The following SUPT3H variants were observed in gnomAD, a reference collection of about 807,000 sequenced individuals.
The protein encoded by SUPT3H is transcription initiation protein SPT3 homolog.
In SUPT3H, 44 loss-of-function variants were observed where a neutral mutation model predicts 44.3. That is an observed-to-expected ratio of 0.99 (90% CI 0.78 to 1.28). The LOEUF (loss-of-function observed/expected upper bound fraction) is 1.28, where lower values mean the gene tolerates loss of function less well. Among genes scored for constraint, SUPT3H ranks in the 50% most tolerant of loss-of-function variants. The probability of loss-of-function intolerance (pLI) is 0.00; values close to 1 mark genes in which losing one functional copy is unlikely to be tolerated. For missense variants in SUPT3H, 380 were observed against 387.1 expected, an observed-to-expected ratio of 0.98 and a Z score of 0.15; for synonymous variants, 124 against 125.6, an observed-to-expected ratio of 0.99 and a Z score of 0.09.
intron 3 of SUPT3H, among the ~76,000 whole-genome samples, chr6:45,092,394 TTTC>T (rs1797239790): frequency 2.0e-5 from 3 of 152,182 alleles, no homozygotes; most frequent in Non-Finnish European, 4.4e-5. Context: ...CTGAAGATGT[TTTC>T]TTAAGCCTTT....
At chr6:45,049,643 G>A (rs961061050) in intron 3 of SUPT3H, among the ~76,000 whole-genome samples, 5 of 152,130 alleles carry the variant, frequency 3.3e-5, no homozygotes, top group African/African-American at 1.2e-4. Flanking sequence ...CAGGGCCTTG[G>A]TTAAAGTAGT....
Position 45,064,888 on chromosome 6 carries a change from T to C in SUPT3H, c.186+41034A>G, listed in dbSNP as rs1293910077. Among the ~76,000 whole-genome samples, 3 of 144,962 alleles carry C rather than the reference T, an allele frequency of 2.1e-5. No individual in the cohort carries two copies. In the South Asian group the frequency reaches 7.2e-4, roughly 35 times the overall value. Reference sequence around the variant, plus strand: ...AGACTTTAACACCCCACTGTCAACATTAGACAGATCAACGAGACAGAAAGT... The same window carrying C: ...AGACTTTAACACCCCACTGTCAACACTAGACAGATCAACGAGACAGAAAGT... On this transcript the variant is annotated intron_variant, in intron 3 of 10. Coordinates refer to ENST00000371459, the MANE Select transcript of SUPT3H (RefSeq NM_003599.4).
chr6:44,907,117 T>C (rs946516050), intron 10 of SUPT3H, among the ~76,000 whole-genome samples: 4 of 152,216 alleles, frequency 2.6e-5, no homozygotes, highest in African/African-American at 9.6e-5. Context: ...TAAAGAAATA[T>C]GAAGCCATAA....
At chr6:45,078,845 C>A (rs1026174478) in intron 3 of SUPT3H, among the ~76,000 whole-genome samples, 1 of 152,150 alleles carries the variant, frequency 6.6e-6, no homozygotes, top group African/African-American at 2.4e-5. Flanking sequence ...ATATGTGACT[C>A]AGTGTTTTTC....
intron 9 of SUPT3H, among the ~76,000 whole-genome samples, chr6:44,938,627 G>T (rs1275721332): frequency 6.6e-6 from 1 of 151,950 alleles, no homozygotes. Context: ...TTGGTATTTT[G>T]ATAGAGATTG....
intron 2 of SUPT3H, among the ~76,000 whole-genome samples, chr6:45,124,048 CA>C (rs781372587): frequency 1.2e-4 from 18 of 152,256 alleles, no homozygotes; most frequent in Non-Finnish European, 2.5e-4. Flanking sequence ...CTGGTATAAT[CA>C]AACACCAGTA....
chr6:45,351,024 G>C (rs916871724), intron 2 of SUPT3H, among the ~76,000 whole-genome samples: 2 of 152,078 alleles, frequency 1.3e-5, no homozygotes, highest in African/African-American at 4.8e-5. Context: ...CTCCTTATGA[G>C]AATCTAATGC....
chr6:44,839,967 T>A (rs1039955735), intron 10 of SUPT3H, among the ~76,000 whole-genome samples: 15 of 152,234 alleles, frequency 9.9e-5, no homozygotes, highest in Non-Finnish European at 2.1e-4. Context: ...CCCAAAGTGC[T>A]GGGATTACAG....
At position 45,291,654 on chromosome 6, in the gene SUPT3H, G is replaced by C. The variant is rs181304536; in HGVS notation, c.101+73547C>G. Among the ~76,000 whole-genome samples, 7 of 152,192 alleles carry C rather than the reference G, an allele frequency of 4.6e-5. No individual in the cohort carries two copies. In the East Asian group the frequency reaches 5.8e-4, roughly 13 times the overall value. On this transcript the variant is annotated intron_variant, in intron 2 of 10. Transcript: ENST00000371459. Reference sequence around the variant, plus strand: ...ACTCATAGAAACGCAAAATGCTCTGGAAAGTCTCAGCAATAAAACTGAAAA... The same window carrying C: ...ACTCATAGAAACGCAAAATGCTCTGCAAAGTCTCAGCAATAAAACTGAAAA...
chr6:45,006,667 C>T (rs1251152827), intron 5 of SUPT3H, among the ~76,000 whole-genome samples: 1 of 152,062 alleles, frequency 6.6e-6, no homozygotes, highest in African/African-American at 2.4e-5. Flanking sequence ...TATCAAGAGA[C>T]CTTCAGAACA....
chr6:45,143,562 G>A (rs1024807919), intron 2 of SUPT3H, among the ~76,000 whole-genome samples: 1 of 152,040 alleles, frequency 6.6e-6, no homozygotes, highest in South Asian at 2.1e-4. Context: ...GTGCTAAGAG[G>A]AAAGTTCATA....
At chr6:44,819,026 C>G (rs1767098491) in intron 11 of SUPT3H, among the ~76,000 whole-genome samples, 1 of 152,130 alleles carries the variant, frequency 6.6e-6, no homozygotes, top group Non-Finnish European at 1.5e-5. Flanking sequence ...CATTTGTGTT[C>G]AGAGCAATTT....
At chr6:45,171,428 C>G (rs1810750644) in intron 2 of SUPT3H, among the ~76,000 whole-genome samples, 1 of 152,082 alleles carries the variant, frequency 6.6e-6, no homozygotes, top group Non-Finnish European at 1.5e-5. Flanking sequence ...GAAATAAAGG[C>G]AATACCAACA....
intron 10 of SUPT3H, among the ~76,000 whole-genome samples, chr6:44,923,722 T>C (rs1472287168): frequency 6.6e-6 from 1 of 152,024 alleles, no homozygotes; most frequent in Non-Finnish European, 1.5e-5. Flanking sequence ...AATAATTTCT[T>C]ATAAACAAAT....
intron 2 of SUPT3H, among the ~76,000 whole-genome samples, chr6:45,107,874 T>C (rs372015831): frequency 6.6e-6 from 1 of 152,142 alleles, no homozygotes; most frequent in Non-Finnish European, 1.5e-5. Flanking sequence ...ACTATAGTAA[T>C]TTATGTTTTT....
intron 2 of SUPT3H, among the ~76,000 whole-genome samples, chr6:45,355,030 A>T (rs140504490): frequency 8.4e-4 from 128 of 152,254 alleles, no homozygotes; most frequent in African/African-American, 2.8e-3. Context: ...GCTAAAGTGC[A>T]GTGGTACGAT....
At chr6:44,916,919 T>G (rs1443080708) in intron 10 of SUPT3H, among the ~76,000 whole-genome samples, 1 of 152,116 alleles carries the variant, frequency 6.6e-6, no homozygotes, top group Non-Finnish European at 1.5e-5. Flanking sequence ...CTGGATCGCT[T>G]GAGTTCAGGA....
rs559892981 is a variant in SUPT3H, at chr6:44,901,246, A to T, written c.912+31407T>A. Reference sequence around the variant, plus strand: ...CTCCGAGCTAAAGGAGGAAGTTCGAACCCATGGCAAAGAAATTAAAAACCT... The same window carrying T: ...CTCCGAGCTAAAGGAGGAAGTTCGATCCCATGGCAAAGAAATTAAAAACCT... On this transcript the variant is annotated intron_variant, in intron 10 of 10. Transcript: ENST00000371459. 2.0e-5 allele frequency among the ~76,000 whole-genome samples: 3 copies of T among 152,280 alleles called. No individual in the cohort carries two copies. The East Asian group carries it at 5.8e-4, about 29-fold the overall frequency.
intron 3 of SUPT3H, among the ~76,000 whole-genome samples, chr6:45,051,160 A>G (rs1453051951): frequency 6.6e-6 from 1 of 152,186 alleles, no homozygotes; most frequent in Non-Finnish European, 1.5e-5. Context: ...AAGTGCTGGG[A>G]TTACAGGCGT....
Sources: allele counts gnomAD v4.1 joint callset (sites outside exome capture counted in the v4.1 genomes callset), GRCh38; gene constraint gnomAD v4.1.1; transcripts MANE v1.5; gene names NCBI Gene and HGNC (gene_info 2026-07-23, HGNC 2026-07-21).